Variants in HCK observed in about 807,000 individuals in gnomAD.
HCK encodes the protein tyrosine-protein kinase HCK.
HCK carries 40 observed loss-of-function variants against 70.4 expected under a neutral mutation model. The observed-to-expected ratio is 0.57, with a 90% CI of 0.44 to 0.74. The LOEUF (loss-of-function observed/expected upper bound fraction) is 0.74. HCK is among the 30% of genes least tolerant of loss of function. HCK has a pLI of 0.00. For synonymous variants in HCK, 245 were observed against 263.2 expected (o/e 0.93, Z 0.67); for missense variants, 568 against 697.2 (o/e 0.81, Z 2.09).
At chr20:32,093,807 G>A in intron 10 of HCK, 56 bp from the exon 11 acceptor site, 3 of 1,529,524 alleles carry the variant, frequency 2.0e-6, no homozygotes, top group African/African-American at 1.4e-5. Flanking sequence ...TTTTGGGTGG[G>A]GCCATCTTGG....
At chr20:32,101,232 C>T (rs2046028388) in intron 12 of HCK, 85 bp from the exon 13 acceptor site, 5 of 1,185,416 alleles carry the variant, frequency 4.2e-6, no homozygotes, top group Non-Finnish European at 6.1e-6. Context: ...GGGAGTGATG[C>T]CTGCTGGGGA....
chr20:32,081,063 T>C (rs145246383), intron 6 of HCK, among the ~76,000 whole-genome samples: 1 of 152,176 alleles, frequency 6.6e-6, no homozygotes, highest in Admixed American at 6.5e-5. Context: ...GACTCCAGCC[T>C]GGGCAACAGA....
intron 11 of HCK, among the ~76,000 whole-genome samples, chr20:32,094,799 A>G (rs1388078682): frequency 2.2e-4 from 8 of 36,536 alleles, no homozygotes; most frequent in Non-Finnish European, 4.1e-4. Flanking sequence ...GAAAGAAAGA[A>G]AGAAAGAAAG....
At position 32,101,660 on chromosome 20, in the gene HCK, T is replaced by A; in HGVS notation, c.*141T>A. On this transcript the variant is annotated 3_prime_UTR_variant, in exon 13 of 13. Coordinates refer to ENST00000375852, the MANE Select transcript of HCK (RefSeq NM_002110.5). ...AGCCACAGTTTCCTCATCTGTCCAG[T>A]GGGTAGGTTGGACTGGAAAATCTCT... is the stretch of plus-strand genomic sequence containing the variant. 1.6e-6 allele frequency: 1 copy of A among 611,080 alleles called. No individual in the cohort carries two copies. Among genetic ancestry groups the A allele is most frequent in the Non-Finnish European group, 2.8e-6 (1 of 356,226 alleles). 37.9% of individuals were successfully genotyped at this position (611,080 alleles called of 1,614,324 possible). A position where few individuals can be genotyped will look rare whatever the true frequency, so the allele number is the denominator to read the frequency against.
intron 5 of HCK, among the ~76,000 whole-genome samples, chr20:32,075,196 G>T (rs574301251): frequency 6.6e-6 from 1 of 152,072 alleles, no homozygotes; most frequent in East Asian, 1.9e-4. Context: ...CTCATTTGTT[G>T]TTTTGTTTTG....
chr20:32,090,480 A>G (rs1248765407), intron 10 of HCK, among the ~76,000 whole-genome samples: 1 of 152,184 alleles, frequency 6.6e-6, no homozygotes, highest in African/African-American at 2.4e-5. Flanking sequence ...GTAGCTGCAT[A>G]TATACAAACA....
chr20:32,069,916 A>G (rs751843166), intron 1 of HCK, among the ~76,000 whole-genome samples: 12 of 152,226 alleles, frequency 7.9e-5, no homozygotes, highest in Non-Finnish European at 1.8e-4. Context: ...AATTGTGCAG[A>G]GATGAGAAAA....
chr20:32,064,650 C>T (rs1487928829), intron 1 of HCK, among the ~76,000 whole-genome samples: 1 of 151,826 alleles, frequency 6.6e-6, no homozygotes, highest in African/African-American at 2.4e-5. Context: ...CAGGTTTCTG[C>T]TTAAGCATAG....
chr20:32,068,863 G>A (rs1229853533), intron 1 of HCK, among the ~76,000 whole-genome samples: 17 of 152,172 alleles, frequency 1.1e-4, no homozygotes, highest in Non-Finnish European at 2.9e-5. Context: ...AGGATCACTT[G>A]ATCCTGGGAG....
intron 5 of HCK, among the ~76,000 whole-genome samples, chr20:32,077,873 C>T (rs147074745): frequency 3.9e-5 from 6 of 152,188 alleles, no homozygotes; most frequent in African/African-American, 9.6e-5. Context: ...GATGTCCTAC[C>T]GTCCATTTAA....
At chr20:32,071,425 C>T (rs1309041401) in intron 1 of HCK, among the ~76,000 whole-genome samples, 1 of 152,254 alleles carries the variant, frequency 6.6e-6, no homozygotes, top group Non-Finnish European at 1.5e-5. Flanking sequence ...ACAATGACAG[C>T]TTGTCAGCCC....
At chr20:32,079,293 G>C (rs1273239700) in intron 5 of HCK, among the ~76,000 whole-genome samples, 1 of 152,156 alleles carries the variant, frequency 6.6e-6, no homozygotes, top group Non-Finnish European at 1.5e-5. Flanking sequence ...ACAAAACTCA[G>C]GCCCTTCACA....
intron 5 of HCK, among the ~76,000 whole-genome samples, chr20:32,075,181 C>T (rs1239407616): frequency 2.0e-5 from 3 of 151,958 alleles, no homozygotes; most frequent in East Asian, 1.9e-4. Flanking sequence ...CCTGGCCAGT[C>T]GTCCCTCATT....
chr20:32,101,177 GT>G, intron 12 of HCK, 139 bp from the exon 13 acceptor site: 1 of 729,370 alleles, frequency 1.4e-6, no homozygotes, highest in Non-Finnish European at 2.3e-6. Flanking sequence ...GAGGGTGGAA[GT>G]CTGTCTTTCA....
chr20:32,084,306 T>C, intron 7 of HCK, 85 bp from the exon 8 acceptor site: 1 of 1,415,410 alleles, frequency 7.1e-7, no homozygotes. Flanking sequence ...AGAGATCCAG[T>C]GGACCAGGTA....
At position 32,093,711 on chromosome 20, in the gene HCK, C is replaced by T. The variant is rs530723943; in HGVS notation, c.1093-152C>T. 4.2e-3 allele frequency: 2,822 copies of T among 673,808 alleles called. 15 individuals carry two copies. The highest frequency in any genetic ancestry group is 4.9e-3 in the Non-Finnish European group (2,014 of 413,694). 41.7% of individuals were successfully genotyped at this position (673,808 alleles called of 1,614,324 possible). On this transcript the variant is annotated intron_variant, in intron 10 of 12. Coordinates refer to ENST00000375852, the MANE Select transcript of HCK (RefSeq NM_002110.5). ...TGAATGGGTTGATGGAGGAATGCCA[C>T]CCTGAGCCCTGGGGCCCTCCCGACA...
intron 10 of HCK, among the ~76,000 whole-genome samples, chr20:32,093,128 A>G (rs990703644): frequency 2.0e-5 from 3 of 152,118 alleles, no homozygotes; most frequent in African/African-American, 4.8e-5. Context: ...TATTTTTAGT[A>G]GAGACGGGGT....
chr20:32,086,316 A>C (rs2045785919), intron 8 of HCK, among the ~76,000 whole-genome samples: 1 of 152,124 alleles, frequency 6.6e-6, no homozygotes, highest in Non-Finnish European at 1.5e-5. Flanking sequence ...ACTTAGAGCT[A>C]TTTTTAAATC....
rs181897135 is a variant in HCK at position 32,068,001 on chromosome 20, A to T, written c.63-3661A>T. Reference sequence around the variant, plus strand: ...GAAACCTGGATGTAAAAATTTTTTTAAAAATGAAAAATAGGCCAGGCGCAG... The same window carrying T: ...GAAACCTGGATGTAAAAATTTTTTTTAAAATGAAAAATAGGCCAGGCGCAG... On this transcript the variant is annotated intron_variant, in intron 1 of 12. Transcript: ENST00000375852. 6.3e-3 allele frequency among the ~76,000 whole-genome samples: 963 copies of T among 152,256 alleles called. 9 individuals are homozygous for T. The highest frequency in any genetic ancestry group is 0.02 in the African/African-American group (846 of 41,542).
Sources: allele counts gnomAD v4.1 joint callset (sites outside exome capture counted in the v4.1 genomes callset), GRCh38; gene constraint gnomAD v4.1.1; transcripts MANE v1.5; gene names NCBI Gene and HGNC (gene_info 2026-07-23, HGNC 2026-07-21).